The following RNF14 variants were observed in gnomAD, a reference collection of about 807,000 sequenced individuals.
The protein encoded by RNF14 is E3 ubiquitin-protein ligase RNF14.
Under a neutral mutation model 52.6 loss-of-function variants are expected in RNF14, and 26 were observed. The observed-to-expected ratio is 0.49, with a 90% confidence interval of 0.36 to 0.69. The LOEUF is 0.69. RNF14 is among the 30% of genes least tolerant of loss of function. The pLI is 0.00. For synonymous variants in RNF14, 194 were observed against 202.0 expected, an observed-to-expected ratio of 0.96 and a Z score of 0.34; for missense variants, 404 against 560.4, an observed-to-expected ratio of 0.72 and a Z score of 2.82.
chr5:141,953,836 T>A (rs1262080446), upstream of RNF14, among the ~76,000 whole-genome samples: 1 of 152,158 alleles, frequency 6.6e-6, no homozygotes, highest in Admixed American at 6.5e-5. Context: ...GAGGAGGGAA[T>A]AGGGAAGGAA....
chr5:141,968,226 C>T (rs1477380235), upstream of RNF14, among the ~76,000 whole-genome samples: 1 of 151,910 alleles, frequency 6.6e-6, no homozygotes, highest in African/African-American at 2.4e-5. Flanking sequence ...CTGCCTCAGC[C>T]TCCCTAGTAG....
At chr5:141,962,528 T>C (rs1419841259), upstream of RNF14, among the ~76,000 whole-genome samples, 1 of 152,132 alleles carries the variant, frequency 6.6e-6, no homozygotes, top group Non-Finnish European at 1.5e-5. Flanking sequence ...AAAGAGAGGC[T>C]AAGTTGATTT....
At chr5:141,973,047 A>G (rs558439320) in intron 2 of RNF14, among the ~76,000 whole-genome samples, 11 of 152,354 alleles carry the variant, frequency 7.2e-5, no homozygotes, top group East Asian at 5.8e-4. Context: ...GTCATAAAAT[A>G]TCTAACTGAT....
rs1227526009 is a variant in RNF14 at position 141,988,794 on chromosome 5, A to C, written c.*1004A>C. 6.6e-6 allele frequency: 1 copy of C among 152,306 alleles called. No individual in the cohort carries two copies. Among genetic ancestry groups the C allele is most frequent in the African/African-American group, 2.4e-5 (1 of 41,430 alleles). The allele number at this position is 152,306 out of a possible 1,614,324, so 9.4% of individuals were successfully genotyped here. A position where few individuals can be genotyped will look rare whatever the true frequency, so the allele number is the denominator to read the frequency against. On this transcript the variant is annotated 3_prime_UTR_variant, in exon 9 of 9. Coordinates refer to ENST00000394520, the MANE Select transcript of RNF14 (RefSeq NM_004290.5). ...CTATACTACAGTAGTTCCAGTCCTA[A>C]CTTTCTGAATTATTTTTAAAGATCT...
the RNF14 span, among the ~76,000 whole-genome samples, chr5:141,950,898 C>T: frequency 7.9e-5 from 12 of 152,146 alleles, no homozygotes; most frequent in Admixed American, 2.0e-4. Flanking sequence ...ACCCCATTAC[C>T]ACAAGGGAAA....
At chr5:141,957,507 A>C (rs774465438), upstream of RNF14, 3 of 1,613,998 alleles carry the variant, frequency 1.9e-6, no homozygotes, top group Non-Finnish European at 2.5e-6. This position sits in a 1 kb window ranked among gnomAD's most constrained non-coding sequence, Gnocchi z 4.3. Context: ...TCAGAGCCAA[A>C]TCCCCTGTGG....
intron 6 of RNF14, 152 bp downstream of exon 6, chr5:141,980,503 T>C (rs1287110163): frequency 3.0e-6 from 2 of 659,542 alleles, no homozygotes; most frequent in Non-Finnish European, 5.2e-6. Flanking sequence ...CTTGGGGCTG[T>C]AGTAGTGACC....
At chr5:141,957,597 CAAGCCTTCCTCAG>C, upstream of RNF14, 1 of 1,614,232 alleles carries the variant, frequency 6.2e-7, no homozygotes, top group Non-Finnish European at 8.5e-7. This position sits in a 1 kb window ranked among gnomAD's most constrained non-coding sequence, Gnocchi z 4.3. Flanking sequence ...CTGTGCTGAG[CAAGCCTTCCTCAG>C]AGTCCACCTG....
At chr5:141,964,646 T>C (rs1329839680), upstream of RNF14, among the ~76,000 whole-genome samples, 1 of 152,074 alleles carries the variant, frequency 6.6e-6, no homozygotes, top group Non-Finnish European at 1.5e-5. Context: ...CAGAGTCTCA[T>C]TCTGTTGCCC....
intron 8 of RNF14, among the ~76,000 whole-genome samples, chr5:141,987,204 C>G (rs1305449896): frequency 6.6e-6 from 1 of 152,160 alleles, no homozygotes; most frequent in Non-Finnish European, 1.5e-5. Context: ...CCAGGTGTGT[C>G]TGGCCTCCCA....
chr5:141,957,975 A>G (rs1753216410), upstream of RNF14: 13 of 1,095,124 alleles, frequency 1.2e-5, no homozygotes, highest in Non-Finnish European at 1.7e-5. This position sits in a 1 kb window ranked among gnomAD's most constrained non-coding sequence, Gnocchi z 4.3. Flanking sequence ...TGCCGGCACA[A>G]CCTTGTCCCA....
At position 141,978,422 on chromosome 5, in the gene RNF14, T is replaced by C; in HGVS notation, c.426T>C (p.Ser142=). 6.2e-7 allele frequency: 1 copy of C among 1,614,182 alleles called. No individual in the cohort carries two copies. Reference sequence around the variant, plus strand: ...CCCTAGCATACTTGAATATTGTCTCTCCTTTTGAGCTCAAGATTGGTTCTC... The same window carrying C: ...CCCTAGCATACTTGAATATTGTCTCCCCTTTTGAGCTCAAGATTGGTTCTC... ...EETLAYLNIV[S]PFELKIGSQK... is the part of the protein sequence containing the mutation. The change falls in exon 5 of 9, where the codon TCT becomes TCC. Residue 142 remains serine (S), a synonymous_variant. Coordinates refer to ENST00000394520, the MANE Select transcript of RNF14 (RefSeq NM_004290.5).
At chr5:141,965,061 G>A (rs1414382369), upstream of RNF14, among the ~76,000 whole-genome samples, 1 of 152,152 alleles carries the variant, frequency 6.6e-6, no homozygotes, top group Non-Finnish European at 1.5e-5. Context: ...TCTGTACTGG[G>A]GTAGGGCTCA....
intron 7 of RNF14, among the ~76,000 whole-genome samples, chr5:141,984,545 T>C (rs940370954): frequency 6.6e-6 from 1 of 152,208 alleles, no homozygotes; most frequent in Non-Finnish European, 1.5e-5. Flanking sequence ...CAGTTATACT[T>C]GTGTGATTTT....
the RNF14 span, chr5:141,951,397 G>A: frequency 1.1e-6 from 1 of 921,238 alleles, no homozygotes; most frequent in Non-Finnish European, 1.8e-6. Context: ...ACCGGTGTCT[G>A]ACTTGTGCTC....
upstream of RNF14, among the ~76,000 whole-genome samples, chr5:141,953,725 G>C (rs890590318): frequency 6.6e-6 from 1 of 152,254 alleles, no homozygotes; most frequent in Admixed American, 6.5e-5. Context: ...TGGATGAATG[G>C]AAGGATAAAT....
At position 141,978,346 on chromosome 5, in the gene RNF14, A is replaced by G. The variant is rs1167829399; in HGVS notation, c.350A>G (p.His117Arg). The G allele has an allele frequency of 1.2e-6, 2 of 1,613,194 alleles. No homozygotes were observed. Among genetic ancestry groups the G allele is most frequent in the African/African-American group, 2.7e-5 (2 of 75,044 alleles). ...CACTTAGACAACCTATGGGAAGAAC[A>G]CCGTGGCAGCGTGGTCCTGTTTGCC... The part of the protein sequence containing the change: ...CKHLDNLWEE[H>R]RGSVVLFAWM... The change falls in exon 5 of 9, where the codon CAC (histidine) becomes CGC (arginine). Residue 117 changes from histidine to arginine, a missense_variant. His to Arg is a conservative substitution (Grantham distance 29, BLOSUM62 0). Transcript: ENST00000394520.
intron 6 of RNF14, among the ~76,000 whole-genome samples, chr5:141,980,933 C>G (rs1472668217): frequency 6.6e-6 from 1 of 152,232 alleles, no homozygotes; most frequent in African/African-American, 2.4e-5. Context: ...GCCTCAGAAT[C>G]TTCCTCAACA....
chr5:141,967,396 T>G (rs1753380844), upstream of RNF14, among the ~76,000 whole-genome samples: 1 of 152,170 alleles, frequency 6.6e-6, no homozygotes, highest in African/African-American at 2.4e-5. Flanking sequence ...TAATGGTGAT[T>G]TGTGAGATTT....
Sources: gnomAD v4.1 joint callset for allele counts (sites outside exome capture counted in the v4.1 genomes callset) on GRCh38, gnomAD v4.1.1 for gene constraint, Gnocchi (gnomAD v3.1) non-coding constraint, MANE v1.5 for transcripts, NCBI Gene and HGNC (gene_info 2026-07-23, HGNC 2026-07-21) for gene names.